Variants in KLC4 observed in about 807,000 individuals in gnomAD.
KLC4 encodes the protein kinesin light chain 4, also known as kinesin-like protein 8.
In KLC4, 49 loss-of-function variants were observed where a neutral mutation model predicts 77.2. The observed-to-expected ratio is 0.63, with a 90% CI of 0.50 to 0.80. KLC4 has a LOEUF of 0.80. Ranked by LOEUF, KLC4 falls within the 30% of genes least tolerant of loss-of-function variation. The pLI, the probability that KLC4 is intolerant of heterozygous loss-of-function variation, is 0.00. For synonymous variants in KLC4, 274 were observed against 314.5 expected, an observed-to-expected ratio of 0.87 and a Z score of 1.36; for missense variants, 669 against 793.5, an observed-to-expected ratio of 0.84 and a Z score of 1.89.
rs763152359 is a variant in KLC4, at chr6:43,072,949, T to G, written c.1614T>G (p.Ala538=). 6.2e-7 allele frequency: 1 copy of G among 1,605,662 alleles called. No homozygotes were observed. Among genetic ancestry groups the G allele is most frequent in the Non-Finnish European group, 8.5e-7 (1 of 1,176,354 alleles). The part of the protein sequence containing the change: ...KFEGGEDASV[A]VEWSGDGSGT... ...AGGGAGGTGAAGATGCTTCTGTGGC[T>G]GTGGAGTGGTCCGGGGTAAGTCTGA... is the stretch of plus-strand genomic sequence containing the variant. Residue 538 remains alanine (A), a synonymous_variant, in exon 13 of 16, where the codon GCT becomes GCG. Transcript: ENST00000347162.
chr6:43,071,631 G>T lies in KLC4; in HGVS notation c.1308+12G>T. Reference sequence around the variant, plus strand: ...AGGAAATGAGCAAAGTGAGTGGGGGGAAGGGGGGCCAGCCTGGGGAGCTCA... The same window carrying T: ...AGGAAATGAGCAAAGTGAGTGGGGGTAAGGGGGGCCAGCCTGGGGAGCTCA... On this transcript the variant is annotated intron_variant, in intron 10 of 15. Coordinates refer to ENST00000347162, the MANE Select transcript of KLC4 (RefSeq NM_201521.3). The T allele has an allele frequency of 2.5e-6, 4 of 1,613,222 alleles. 1 individual carries two copies. The South Asian group carries it at 4.4e-5, about 18-fold the overall frequency.
Position 43,074,759 on chromosome 6 carries a change from C to A in KLC4, c.*87C>A. The A allele has an allele frequency of 9.1e-7, 1 of 1,096,378 alleles. No homozygotes were observed. Among genetic ancestry groups the A allele is most frequent in the East Asian group, 2.4e-5 (1 of 42,332 alleles). 67.9% of individuals were successfully genotyped at this position (1,096,378 alleles called of 1,614,324 possible). ...CCATTGCTCCTGGCTCTTCCCCACC[C>A]CTAGGTGGGACAGTGAAGGGGAGCA... On this transcript the variant is annotated 3_prime_UTR_variant, in exon 16 of 16. Transcript: ENST00000347162.
At chr6:43,072,292 A>AGGGCCCT (rs1360855101) in intron 12 of KLC4, 37 bp downstream of exon 12, 1 of 1,509,118 alleles carries the variant, frequency 6.6e-7, no homozygotes, top group Middle Eastern at 1.7e-4. Flanking sequence ...CCTAGAGGGA[A>AGGGCCCT]GGGCCCTGGG....
chr6:43,073,190 T>C (rs1392916523), intron 13 of KLC4, 33 bp from the exon 14 acceptor site: 1 of 1,568,976 alleles, frequency 6.4e-7, no homozygotes, highest in African/African-American at 1.4e-5. Flanking sequence ...TGTGGGATCC[T>C]TGTAGCTTTC....
chr6:43,072,631 T>C, intron 12 of KLC4, 193 bp from the exon 13 acceptor site: 1 of 600,070 alleles, frequency 1.7e-6, no homozygotes, highest in Admixed American at 3.1e-5. Flanking sequence ...GCCATGGGGA[T>C]AAAAATATAT....
At chr6:43,069,193 A>G (rs1765604467) in intron 6 of KLC4, among the ~76,000 whole-genome samples, 1 of 152,188 alleles carries the variant, frequency 6.6e-6, no homozygotes, top group Non-Finnish European at 1.5e-5. Flanking sequence ...GGCAAATGAT[A>G]GAGTTGTCAA....
Position 43,074,861 on chromosome 6 carries a change from G to A in KLC4, c.*189G>A. 3.3e-6 allele frequency: 2 copies of A among 613,566 alleles called. No homozygotes were observed. The highest frequency in any genetic ancestry group is 3.7e-5 in the South Asian group (2 of 53,874). 38.0% of individuals were successfully genotyped at this position (613,566 alleles called of 1,614,324 possible). On this transcript the variant is annotated 3_prime_UTR_variant, in exon 16 of 16. Coordinates refer to ENST00000347162, the MANE Select transcript of KLC4 (RefSeq NM_201521.3). ...AATCCCTCTTAGGAAGGACCCTCAGGACACCCTCTCTGCACCCTGTGGTCC... is the reference window on the plus strand; with the variant it reads ...AATCCCTCTTAGGAAGGACCCTCAGAACACCCTCTCTGCACCCTGTGGTCC...
rs377055284 is a variant in KLC4, at chr6:43,067,110, C to G, written c.879+27C>G. ...TCAGTATTCCTTGCCCTCCCCACCC[C>G]ACGCCCCGCACCCCCCACCATTGCT... is the stretch of plus-strand genomic sequence containing the variant. On this transcript the variant is annotated intron_variant, in intron 6 of 15. Transcript: ENST00000347162. 8 of 1,602,654 alleles carry G rather than the reference C, an allele frequency of 5.0e-6. No individual in the cohort carries two copies. The African/African-American group carries it at 1.1e-4, about 21-fold the overall frequency.
At position 43,074,482 on chromosome 6, in the gene KLC4, G is replaced by A. The variant is rs1025830274; in HGVS notation, c.1810-140G>A. 4 of 755,938 alleles carry A rather than the reference G, an allele frequency of 5.3e-6. 1 individual carries two copies. In the Admixed American group the frequency reaches 6.8e-5, roughly 13 times the overall value. The allele number at this position is 755,938 out of a possible 1,614,324, so 46.8% of individuals were successfully genotyped here. A position where few individuals can be genotyped will look rare whatever the true frequency, so the allele number is the denominator to read the frequency against. ...TAGCAGAGGCTAAACAAAGTCCCAG[G>A]TCCAGAGATAGACTGGTCCAGAGAC... On this transcript the variant is annotated intron_variant, in intron 15 of 15. Coordinates refer to ENST00000347162, the MANE Select transcript of KLC4 (RefSeq NM_201521.3).
At position 43,073,405 on chromosome 6, in the gene KLC4, C is replaced by T. The variant is rs1280179455; in HGVS notation, c.1745+67C>T. On this transcript the variant is annotated intron_variant, in intron 14 of 15. Coordinates refer to ENST00000347162, the MANE Select transcript of KLC4 (RefSeq NM_201521.3). Reference sequence around the variant, plus strand: ...GTGGCTCACGCCTGTAATCCCAGCACTTTGGGAGGCCGAGGCGGGTGGATC... The same window carrying T: ...GTGGCTCACGCCTGTAATCCCAGCATTTTGGGAGGCCGAGGCGGGTGGATC... The T allele has an allele frequency of 3.5e-6, 4 of 1,157,936 alleles. No individual in the cohort carries two copies. The African/African-American group carries it at 6.1e-5, about 18-fold the overall frequency. 71.7% of individuals were successfully genotyped at this position (1,157,936 alleles called of 1,614,324 possible).
intron 3 of KLC4, among the ~76,000 whole-genome samples, chr6:43,064,993 A>T (rs946465681): frequency 3.9e-5 from 6 of 152,244 alleles, no homozygotes; most frequent in African/African-American, 7.2e-5. Context: ...CAATCAACGT[A>T]AACACACAGA....
intron 8 of KLC4, 68 bp downstream of exon 8, chr6:43,070,933 G>GGGGGGGGGGGGGGT: frequency 2.8e-6 from 1 of 360,518 alleles, no homozygotes. Context: ...GGGAGGGGGG[G>GGGGGGGGGGGGGGT]CAGGCGGAGA....
At chr6:43,073,748 C>A (rs562486405) in intron 14 of KLC4, 154 bp from the exon 15 acceptor site, 4 of 665,480 alleles carry the variant, frequency 6.0e-6, no homozygotes, top group South Asian at 3.6e-5. Context: ...AGAAGTATCT[C>A]GGAGAGAAAC....
intron 6 of KLC4, among the ~76,000 whole-genome samples, chr6:43,068,944 CTAA>C (rs1251915484): frequency 6.6e-6 from 1 of 152,076 alleles, no homozygotes; most frequent in African/African-American, 2.4e-5. Flanking sequence ...CCTGTCTCTA[CTAA>C]TAATACAAAA....
At chr6:43,061,226 C>A in intron 1 of KLC4, 85 bp from the exon 2 acceptor site, 1 of 1,428,032 alleles carries the variant, frequency 7.0e-7, no homozygotes, top group Non-Finnish European at 9.6e-7. Context: ...TGTCCCTTCA[C>A]TTGGATTCCC....
At chr6:43,060,786 G>A (rs1442473043) in intron 1 of KLC4, among the ~76,000 whole-genome samples, 1 of 152,092 alleles carries the variant, frequency 6.6e-6, no homozygotes, top group African/African-American at 2.4e-5. Flanking sequence ...GAGCTTTCTG[G>A]GACCCTGTAA....
rs779989406 is a variant in KLC4 at position 43,071,894 on chromosome 6, G to A, written c.1351G>A (p.Gly451Ser). 2 of 1,611,972 alleles carry A rather than the reference G, an allele frequency of 1.2e-6. No homozygotes were observed. Among genetic ancestry groups the A allele is most frequent in the South Asian group, 1.1e-5 (1 of 90,278 alleles). Residue 451 changes from glycine (G) to serine (S), a missense_variant, in exon 11 of 16, where the codon GGC (glycine) becomes AGC (serine). Gly to Ser is a moderately conservative substitution (Grantham distance 56). Transcript: ENST00000347162. The stretch of plus-strand genomic sequence containing the variant: ...TGGGACACCCTATGCTGAGTATGGA[G>A]GCTGGTACAAGGCCTGCAAAGTGAG... ...EGGTPYAEYGGWYKACKVSSP... is the reference protein window; with the variant it reads ...EGGTPYAEYGSWYKACKVSSP...
chr6:43,067,630 TA>T (rs578144443), intron 6 of KLC4, among the ~76,000 whole-genome samples: 2 of 145,708 alleles, frequency 1.4e-5, no homozygotes, highest in Admixed American at 6.9e-5. Flanking sequence ...CCATCTCTAC[TA>T]AAAAAAATAC....
chr6:43,073,611 C>T (rs1765835391), intron 14 of KLC4: 1 of 524,522 alleles, frequency 1.9e-6, no homozygotes, highest in Non-Finnish European at 3.4e-6. Context: ...CATGCCATTG[C>T]ACTCCAGCCC....
Sources: allele counts gnomAD v4.1 joint callset (sites outside exome capture counted in the v4.1 genomes callset), GRCh38; gene constraint gnomAD v4.1.1; transcripts MANE v1.5; gene names NCBI Gene and HGNC (gene_info 2026-07-23, HGNC 2026-07-21).